The following ATP8A2 variants were observed in gnomAD, a reference collection of about 807,000 sequenced individuals.
ATP8A2 encodes phospholipid-transporting ATPase IB.
In ATP8A2, 100 loss-of-function variants were observed where a neutral mutation model predicts 165.6. The ratio of observed to expected loss-of-function variants is 0.60; its 90% CI spans 0.51 to 0.71. The LOEUF is 0.71. Ranked by LOEUF, ATP8A2 falls within the 30% of genes least tolerant of loss-of-function variation. The pLI, the probability that ATP8A2 is intolerant of heterozygous loss-of-function variation, is 0.00. For synonymous variants in ATP8A2, 543 were observed against 548.8 expected (o/e 0.99, Z 0.15); for missense variants, 1,227 against 1,479.5 (o/e 0.83, Z 2.80).
chr13:25,481,709 G>A (rs1337483996), intron 2 of ATP8A2, among the ~76,000 whole-genome samples: 3 of 152,198 alleles, frequency 2.0e-5, no homozygotes, highest in Admixed American at 6.5e-5. Flanking sequence ...CAAGATCAGG[G>A]TGCCAGCATG....
chr13:25,577,259 C>T, intron 20 of ATP8A2, 121 bp downstream of exon 20: 6 of 880,352 alleles, frequency 6.8e-6, no homozygotes, highest in Non-Finnish European at 1.1e-5. Context: ...AAGACTGTTT[C>T]AGGTAGGCTG....
chr13:25,855,845 T>G (rs1462898080), intron 30 of ATP8A2, among the ~76,000 whole-genome samples: 1 of 152,206 alleles, frequency 6.6e-6, no homozygotes, highest in Non-Finnish European at 1.5e-5. Context: ...GGCACCCCGG[T>G]GGGTGTTAAG....
At chr13:25,484,527 C>CT (rs2036294723) in intron 2 of ATP8A2, among the ~76,000 whole-genome samples, 1 of 151,578 alleles carries the variant, frequency 6.6e-6, no homozygotes, top group Admixed American at 6.6e-5. Flanking sequence ...TAAATTTTTT[C>CT]TTTTTTTGAG....
rs923404557 is a variant in ATP8A2, at chr13:25,681,968, G to A, written c.2212-17205G>A. On this transcript the variant is annotated intron_variant, in intron 24 of 36. Transcript: ENST00000381655. Reference sequence around the variant, plus strand: ...TGATGGGTCCCCGTCGAGTGACGGCGTTGGACTAGAACCCAGGCTGAGAGA... The same window carrying A: ...TGATGGGTCCCCGTCGAGTGACGGCATTGGACTAGAACCCAGGCTGAGAGA... 7.2e-5 allele frequency among the ~76,000 whole-genome samples: 11 copies of A among 152,264 alleles called. No homozygotes were observed. In the East Asian group the frequency reaches 9.7e-4, roughly 13 times the overall value.
intron 33 of ATP8A2, among the ~76,000 whole-genome samples, chr13:25,954,838 C>G (rs1252090844): frequency 6.6e-6 from 1 of 152,202 alleles, no homozygotes; most frequent in African/African-American, 2.4e-5. Flanking sequence ...AAAACCCCAT[C>G]TGAAGGTCAC....
At chr13:25,914,811 A>T (rs1954220665) in intron 33 of ATP8A2, among the ~76,000 whole-genome samples, 1 of 152,216 alleles carries the variant, frequency 6.6e-6, no homozygotes, top group Non-Finnish European at 1.5e-5. Context: ...TGCCCGCCTC[A>T]GCCACCCTTT....
At chr13:25,685,059 C>A (rs532245566) in intron 24 of ATP8A2, among the ~76,000 whole-genome samples, 1 of 152,292 alleles carries the variant, frequency 6.6e-6, no homozygotes, top group African/African-American at 2.4e-5. Flanking sequence ...CAAATTGACT[C>A]CTCCTGCTTG....
chr13:25,907,010 A>G (rs1346856928), intron 33 of ATP8A2, among the ~76,000 whole-genome samples: 2 of 152,224 alleles, frequency 1.3e-5, no homozygotes, highest in Non-Finnish European at 2.9e-5. Context: ...CGGGCGGATC[A>G]CTTGAGGTCA....
At chr13:25,645,323 A>G (rs777089933) in intron 24 of ATP8A2, among the ~76,000 whole-genome samples, 15 of 152,308 alleles carry the variant, frequency 9.8e-5, no homozygotes, top group Admixed American at 2.0e-4. Flanking sequence ...CTGTGATTCA[A>G]TTACCTCCCC....
At chr13:25,693,906 C>A (rs1200466355) in intron 24 of ATP8A2, among the ~76,000 whole-genome samples, 5 of 152,066 alleles carry the variant, frequency 3.3e-5, no homozygotes, top group Non-Finnish European at 7.4e-5. Flanking sequence ...TGCTCTGTTG[C>A]CCATTTGGAA....
chr13:26,014,565 C>T (rs1021101371), intron 36 of ATP8A2, among the ~76,000 whole-genome samples: 3 of 151,776 alleles, frequency 2.0e-5, no homozygotes, highest in African/African-American at 7.3e-5. Context: ...GGGTCCCTAC[C>T]TAAGGAAGGA....
At chr13:25,972,534 C>G (rs975265395) in intron 35 of ATP8A2, among the ~76,000 whole-genome samples, 31 of 152,194 alleles carry the variant, frequency 2.0e-4, no homozygotes, top group African/African-American at 7.5e-4. Context: ...CTTATAGACA[C>G]TGGACACGTG....
At chr13:25,737,935 C>T (rs1032155591) in intron 25 of ATP8A2, among the ~76,000 whole-genome samples, 6 of 152,306 alleles carry the variant, frequency 3.9e-5, no homozygotes, top group Admixed American at 1.3e-4. Flanking sequence ...CCGCCCCTCT[C>T]GGCCTCCCAA....
chr13:25,555,052 A>T lies in ATP8A2; in HGVS notation c.1247A>T (p.Asn416Ile), dbSNP rs1374541885. ...GCCATGGCCAGGACATCAAACCTTA[A>T]TGAAGAGCTTGGGCAGGTGAAAAAG... ...TPAMARTSNLNEELGQVKYLF... is the reference protein window; with the variant it reads ...TPAMARTSNLIEELGQVKYLF... The change falls in exon 13 of 37, where the codon AAT becomes ATT. Residue 416 changes from asparagine to isoleucine, a missense_variant. This residue lies in a region of ATP8A2 where 592 missense variants were observed against 785.6 expected (regional missense o/e 0.75). Coordinates refer to ENST00000381655, the MANE Select transcript of ATP8A2 (RefSeq NM_016529.6). 6.2e-6 allele frequency: 10 copies of T among 1,612,388 alleles called. No homozygotes were observed. In the East Asian group the frequency reaches 2.2e-4, roughly 36 times the overall value.
chr13:25,798,516 T>A (rs1735677930), intron 27 of ATP8A2, among the ~76,000 whole-genome samples: 1 of 151,960 alleles, frequency 6.6e-6, no homozygotes, highest in African/African-American at 2.4e-5. Flanking sequence ...AGATGGCTTT[T>A]AAAAAAAAGT....
At chr13:25,820,316 A>T (rs1002894866) in intron 27 of ATP8A2, among the ~76,000 whole-genome samples, 1 of 151,966 alleles carries the variant, frequency 6.6e-6, no homozygotes, top group African/African-American at 2.4e-5. Context: ...AGGACCAAAA[A>T]CCCCAGGAGC....
intron 33 of ATP8A2, among the ~76,000 whole-genome samples, chr13:25,876,464 G>A (rs756953331): frequency 8.5e-5 from 13 of 152,142 alleles, no homozygotes; most frequent in Non-Finnish European, 1.8e-4. Context: ...AGGACGAGGA[G>A]CCTGACTGTG....
intron 24 of ATP8A2, among the ~76,000 whole-genome samples, chr13:25,639,895 C>A (rs1439269992): frequency 6.6e-6 from 1 of 152,128 alleles, no homozygotes; most frequent in East Asian, 1.9e-4. Flanking sequence ...GAAATTATAA[C>A]AAACTATCTC....
chr13:26,008,872 G>A (rs1024744581), intron 35 of ATP8A2, among the ~76,000 whole-genome samples: 1 of 152,136 alleles, frequency 6.6e-6, no homozygotes, highest in South Asian at 2.1e-4. Context: ...AAATATGAAG[G>A]CTAGAAATGT....
Sources: allele counts gnomAD v4.1 joint callset (sites outside exome capture counted in the v4.1 genomes callset), GRCh38; gene constraint gnomAD v4.1.1; regional missense constraint gnomAD v4.1.1; transcripts MANE v1.5; gene names NCBI Gene and HGNC (gene_info 2026-07-23, HGNC 2026-07-21).